The following TRPM1 variants were observed in gnomAD, a reference collection of about 807,000 sequenced individuals.
TRPM1 encodes transient receptor potential cation channel subfamily M member 1, also known as TRPM1-203 APA Isoform, Intron 10.
A neutral mutation model predicts 149.4 loss-of-function variants in TRPM1; 113 were observed. The observed-to-expected ratio is 0.76, with a 90% CI of 0.65 to 0.88. TRPM1 has a LOEUF of 0.88. Among genes scored for constraint, TRPM1 ranks in the 40% least tolerant of loss-of-function variants. The probability of loss-of-function intolerance (pLI) is 0.00; values close to 1 mark genes in which losing one functional copy is unlikely to be tolerated. For missense variants in TRPM1, 1,976 were observed against 2,038.7 expected (o/e 0.97, Z 0.59); for synonymous variants, 741 against 759.5 (o/e 0.98, Z 0.40).
Position 31,119,317 on chromosome 15 carries a change from T to C in TRPM1, c.54+41589A>G, listed in dbSNP as rs370425831. Among the ~76,000 whole-genome samples the C allele has an allele frequency of 4.6e-5, 7 of 152,200 alleles. No homozygotes were observed. In the South Asian group the frequency reaches 1.2e-3, roughly 27 times the overall value. On this transcript the variant is annotated intron_variant, in intron 1 of 26. Coordinates refer to the TRPM1 transcript ENST00000542188. ...AAGGGTAAAACCTATATCAGCATTC[T>C]TGTCAGAAACCATTAAGGCAAGAAG...
At chr15:31,065,516 C>T (rs1217477727) in intron 7 of TRPM1, among the ~76,000 whole-genome samples, 4 of 152,132 alleles carry the variant, frequency 2.6e-5, no homozygotes, top group Admixed American at 1.3e-4. Flanking sequence ...TTGAGGTTTG[C>T]GTCTTTCTCT....
intron 27 of TRPM1, among the ~76,000 whole-genome samples, chr15:31,010,177 T>G (rs935833033): frequency 6.6e-6 from 1 of 152,216 alleles, no homozygotes. Context: ...TGTTGATTTG[T>G]TTTGTTTTAG....
chr15:31,062,530 CAT>C, intron 9 of TRPM1, 47 bp downstream of exon 9: 1 of 1,611,348 alleles, frequency 6.2e-7, no homozygotes. Flanking sequence ...GAAAAGGAAA[CAT>C]AATTCTCTCC....
At chr15:31,160,046 C>G (rs1459178849) in intron 1 of TRPM1, among the ~76,000 whole-genome samples, 1 of 152,028 alleles carries the variant, frequency 6.6e-6, no homozygotes, top group Admixed American at 6.5e-5. Context: ...CAATGGGCAG[C>G]CCCCTGGAAG....
At position 31,075,363 on chromosome 15, in the gene TRPM1, T is replaced by C. The variant is rs574082032; in HGVS notation, c.83+1542A>G. 5.3e-5 allele frequency among the ~76,000 whole-genome samples: 8 copies of C among 152,374 alleles called. No homozygotes were observed. In the South Asian group the frequency reaches 1.4e-3, roughly 28 times the overall value. The stretch of plus-strand genomic sequence containing the variant: ...GCATTTTGGTGCTGTTTTAGGTACA[T>C]ATATGTTTATATTTGTTGTAACTTC... On this transcript the variant is annotated intron_variant, in intron 3 of 27. Transcript: ENST00000256552.
In TRPM1 at chr15:31,049,475, A is replaced by G. The variant is rs370567713; in HGVS notation, c.1472T>C (p.Leu491Ser). The G allele has an allele frequency of 2.7e-5, 44 of 1,614,004 alleles. No homozygotes were observed. Among genetic ancestry groups the G allele is most frequent in the Non-Finnish European group, 3.4e-5 (40 of 1,180,034 alleles). ...NALEQAMLDA[L>S]VLDRVDFVKL... ...CACAAAGTCGACACGATCTAAGACT[A>G]AAGCATCTAGCATCGCTTGCTCCAA... The change falls in exon 13 of 28, where the codon TTA becomes TCA. Residue 491 changes from leucine (L) to serine (S), a missense_variant. Physicochemically the swap from Leu to Ser is moderately radical, Grantham distance 145. This residue lies in a region of TRPM1 where 1,332 missense variants were observed against 1,347.1 expected (regional missense o/e 0.99). Coordinates refer to ENST00000256552, the MANE Select transcript of TRPM1 (RefSeq NM_001252024.2).
At chr15:31,113,821 T>TTGTGAAGA (rs2035755874) in intron 1 of TRPM1, among the ~76,000 whole-genome samples, 1 of 152,070 alleles carries the variant, frequency 6.6e-6, no homozygotes, top group East Asian at 1.9e-4. Context: ...GCAAGATTTA[T>TTGTGAAGA]TGTGAAGATG....
intron 11 of TRPM1, among the ~76,000 whole-genome samples, chr15:31,057,257 G>A (rs989722990): frequency 6.6e-6 from 1 of 152,214 alleles, no homozygotes; most frequent in African/African-American, 2.4e-5. Context: ...GATGGAGATG[G>A]AGGCCATTAT....
intron 1 of TRPM1, among the ~76,000 whole-genome samples, chr15:31,149,552 G>A (rs1446149925): frequency 6.9e-6 from 1 of 145,324 alleles, no homozygotes; most frequent in Non-Finnish European, 1.5e-5. Flanking sequence ...TTGAGACGGA[G>A]TCTTTCGCCC....
At chr15:31,070,306 A>C in intron 3 of TRPM1, 80 bp from the exon 4 acceptor site, 1 of 1,410,866 alleles carries the variant, frequency 7.1e-7, no homozygotes, top group Non-Finnish European at 1.0e-6. Context: ...ATTAACCTCA[A>C]CAGGTGAGTT....
At chr15:31,135,880 A>G (rs182013475) in intron 1 of TRPM1, among the ~76,000 whole-genome samples, 2,236 of 152,188 alleles carry the variant, frequency 0.015, 61 homozygotes, top group African/African-American at 0.052. Context: ...TGCTTCCTAT[A>G]CAGCCTGCAG....
At chr15:31,034,019 G>C (rs571069301) in intron 21 of TRPM1, among the ~76,000 whole-genome samples, 1 of 152,298 alleles carries the variant, frequency 6.6e-6, no homozygotes. Flanking sequence ...TTCAGTGAAA[G>C]GGTCAACAAT....
At chr15:31,033,956 G>A (rs935904034) in intron 21 of TRPM1, among the ~76,000 whole-genome samples, 2 of 152,182 alleles carry the variant, frequency 1.3e-5, no homozygotes, top group Non-Finnish European at 2.9e-5. Context: ...GCTCTAATTA[G>A]ACCGATGCCA....
chr15:31,028,565 T>C (rs2140904311), intron 24 of TRPM1, 89 bp from the exon 25 acceptor site: 2 of 1,406,284 alleles, frequency 1.4e-6, no homozygotes, highest in Non-Finnish European at 2.0e-6. Flanking sequence ...TACCTATTTC[T>C]TTTTTAATAT....
chr15:31,018,456 C>A (rs2032446728), intron 27 of TRPM1, among the ~76,000 whole-genome samples: 2 of 152,040 alleles, frequency 1.3e-5, no homozygotes, highest in South Asian at 2.1e-4. Flanking sequence ...TCACTGCAAC[C>A]TATGCCTCCT....
At chr15:31,102,962 G>T (rs576499368), upstream of TRPM1, among the ~76,000 whole-genome samples, 6 of 152,324 alleles carry the variant, frequency 3.9e-5, no homozygotes, top group South Asian at 1.2e-3. Context: ...AACCCTTCCG[G>T]GGGCTGAGGG....
At chr15:31,158,509 C>T (rs1423665822) in intron 1 of TRPM1, among the ~76,000 whole-genome samples, 2 of 151,794 alleles carry the variant, frequency 1.3e-5, no homozygotes, top group Non-Finnish European at 2.9e-5. Flanking sequence ...TGCCTGTAGT[C>T]CCAACTACTT....
intron 5 of TRPM1, 87 bp downstream of exon 5, chr15:31,067,792 G>T: frequency 7.7e-7 from 1 of 1,299,014 alleles, no homozygotes; most frequent in Non-Finnish European, 1.1e-6. Context: ...ATGTTTTGTT[G>T]TCCTTAGTTA....
chr15:31,138,125 G>A (rs2036113578), intron 1 of TRPM1, among the ~76,000 whole-genome samples: 1 of 152,104 alleles, frequency 6.6e-6, no homozygotes, highest in South Asian at 2.1e-4. Context: ...TCAGCTCCAT[G>A]GCAACCAACA....
Sources: allele counts gnomAD v4.1 joint callset (sites outside exome capture counted in the v4.1 genomes callset), GRCh38; gene constraint gnomAD v4.1.1; regional missense constraint gnomAD v4.1.1; transcripts MANE v1.5; gene names NCBI Gene and HGNC (gene_info 2026-07-23, HGNC 2026-07-21).